Variants in KLHL29 observed in about 807,000 individuals in gnomAD.
The protein encoded by KLHL29 is kelch-like protein 29.
A neutral mutation model predicts 80.4 loss-of-function variants in KLHL29; 21 were observed. The ratio of observed to expected loss-of-function variants is 0.26; its 90% CI spans 0.19 to 0.38. The LOEUF is 0.38. Among genes scored for constraint, KLHL29 ranks in the 10% least tolerant of loss-of-function variants. The pLI is 1.00. For missense variants in KLHL29, 867 were observed against 1,223.9 expected (o/e 0.71, Z 4.35); for synonymous variants, 511 against 526.8 (o/e 0.97, Z 0.41).
At chr2:23,577,250 G>A (rs181156619) in intron 3 of KLHL29, among the ~76,000 whole-genome samples, 136 of 152,332 alleles carry the variant, frequency 8.9e-4, no homozygotes, top group African/African-American at 3.1e-3. Context: ...AGGAGTTCGA[G>A]ACCAGCCTGG....
At chr2:23,528,277 G>A (rs147192700) in intron 2 of KLHL29, among the ~76,000 whole-genome samples, 2 of 152,328 alleles carry the variant, frequency 1.3e-5, no homozygotes, top group East Asian at 1.9e-4. Flanking sequence ...CTCTGCTGAC[G>A]GAGGGTGTTT....
At chr2:23,627,374 C>T (rs1379349779) in intron 3 of KLHL29, among the ~76,000 whole-genome samples, 2 of 152,370 alleles carry the variant, frequency 1.3e-5, no homozygotes, top group African/African-American at 2.4e-5. Flanking sequence ...AGGCACAAAG[C>T]AGCCAGCGCC....
At chr2:23,639,986 CA>C (rs1669721415) in intron 4 of KLHL29, among the ~76,000 whole-genome samples, 2 of 152,204 alleles carry the variant, frequency 1.3e-5, no homozygotes, top group Non-Finnish European at 2.9e-5. Context: ...GGCCAGAACT[CA>C]ACAGTGGTCT....
chr2:23,534,720 G>A (rs1281079169), intron 2 of KLHL29, among the ~76,000 whole-genome samples: 1 of 152,144 alleles, frequency 6.6e-6, no homozygotes, highest in African/African-American at 2.4e-5. Flanking sequence ...GTGAAGCTGA[G>A]GTCCCACAGT....
rs369493041 is a variant in KLHL29, at chr2:23,462,402, C to A, written c.-153-13158C>A. Among the ~76,000 whole-genome samples the A allele has an allele frequency of 5.5e-4, 83 of 152,256 alleles. No homozygotes were observed. In the South Asian group the frequency reaches 1.0e-2, roughly 18 times the overall value. ...GAGGCTGGTCTATCACCTGTGAGTTCACAGCCCCAAATGATCCCCAACTGA... is the reference window on the plus strand; with the variant it reads ...GAGGCTGGTCTATCACCTGTGAGTTAACAGCCCCAAATGATCCCCAACTGA... On this transcript the variant is annotated intron_variant, in intron 1 of 13. Coordinates refer to ENST00000486442, the MANE Select transcript of KLHL29 (RefSeq NM_052920.2).
intron 5 of KLHL29, among the ~76,000 whole-genome samples, chr2:23,646,036 C>A (rs1056941377): frequency 7.0e-6 from 1 of 143,362 alleles, no homozygotes; most frequent in South Asian, 2.1e-4. Flanking sequence ...GGGGTGGGAG[C>A]AAGCTGTAGG....
At chr2:23,614,091 G>C (rs1159521996) in intron 3 of KLHL29, among the ~76,000 whole-genome samples, 1 of 152,162 alleles carries the variant, frequency 6.6e-6, no homozygotes, top group Non-Finnish European at 1.5e-5. Context: ...CTTTGGAAAG[G>C]CTAATCAGAA....
intron 2 of KLHL29, among the ~76,000 whole-genome samples, chr2:23,551,758 T>C (rs1398582079): frequency 3.3e-5 from 5 of 152,158 alleles, no homozygotes. Context: ...TGCATGTGAG[T>C]GGATCCTGTC....
At chr2:23,544,385 T>G (rs1363743349) in intron 2 of KLHL29, among the ~76,000 whole-genome samples, 1 of 152,214 alleles carries the variant, frequency 6.6e-6, no homozygotes, top group Non-Finnish European at 1.5e-5. Context: ...CTCTGCCACT[T>G]TCTAGCTGGG....
intron 1 of KLHL29, among the ~76,000 whole-genome samples, chr2:23,427,865 A>G (rs1173568153): frequency 6.6e-6 from 1 of 152,138 alleles, no homozygotes; most frequent in Non-Finnish European, 1.5e-5. Context: ...AAGTAAAACA[A>G]TGTTGGGAGC....
intron 11 of KLHL29, chr2:23,697,851 G>T (rs1448293996): frequency 6.6e-6 from 1 of 152,218 alleles, no homozygotes; most frequent in Non-Finnish European, 1.5e-5. Context: ...CATTCTGGAA[G>T]CATCGGCTTC....
chr2:23,699,557 C>T (rs1350852356), intron 11 of KLHL29, among the ~76,000 whole-genome samples: 1 of 152,322 alleles, frequency 6.6e-6, no homozygotes, highest in East Asian at 1.9e-4. Flanking sequence ...CTGCTTTTCC[C>T]AGCAGCTGCC....
intron 1 of KLHL29, among the ~76,000 whole-genome samples, chr2:23,429,168 G>T (rs1256971747): frequency 1.3e-5 from 2 of 152,236 alleles, no homozygotes; most frequent in African/African-American, 2.4e-5. Flanking sequence ...GCACGCACGT[G>T]TGCATACATG....
intron 2 of KLHL29, among the ~76,000 whole-genome samples, chr2:23,495,080 TGAACTCCTGGCCTCAAGCAATTTTCTC>T (rs1395391263): frequency 6.6e-6 from 1 of 152,160 alleles, no homozygotes; most frequent in African/African-American, 2.4e-5. Context: ...GACGGAGTCT[TGAACTCCTGGCCTCAAGCAATTTTCTC>T]GAACTCCTGG....
At chr2:23,458,768 G>A (rs1664132074) in intron 1 of KLHL29, among the ~76,000 whole-genome samples, 3 of 152,194 alleles carry the variant, frequency 2.0e-5, no homozygotes, top group Admixed American at 2.0e-4. Flanking sequence ...TGGAAAGAAG[G>A]CCAGTGGTCA....
At chr2:23,519,493 C>T (rs1666032830) in intron 2 of KLHL29, among the ~76,000 whole-genome samples, 2 of 152,220 alleles carry the variant, frequency 1.3e-5, no homozygotes, top group African/African-American at 2.4e-5. Context: ...CAGAATGAGG[C>T]TTGGGCCCAG....
At position 23,525,777 on chromosome 2, in the gene KLHL29, T is replaced by G. The variant is rs116641775; in HGVS notation, c.-45-36375T>G. 8.4e-3 allele frequency among the ~76,000 whole-genome samples: 1,128 copies of G among 134,916 alleles called. 18 individuals are homozygous for G. Among genetic ancestry groups the G allele is most frequent in the African/African-American group, 0.029 (1,074 of 37,380 alleles). The allele number at this position is 134,916 out of a possible 152,430, so 88.5% of individuals were successfully genotyped here. On this transcript the variant is annotated intron_variant, in intron 2 of 13. Coordinates refer to ENST00000486442, the MANE Select transcript of KLHL29 (RefSeq NM_052920.2). The stretch of plus-strand genomic sequence containing the variant: ...CAGCAGAGCCAGGGCCCACCCGCTA[T>G]TTTTAGAAAGCTATCAGGTGCGCAG...
intron 1 of KLHL29, among the ~76,000 whole-genome samples, chr2:23,408,884 G>A (rs752458965): frequency 9.2e-5 from 14 of 152,178 alleles, no homozygotes; most frequent in Non-Finnish European, 1.6e-4. Flanking sequence ...GTGTTCGTGT[G>A]CAATAATCCC....
intron 12 of KLHL29, 128 bp downstream of exon 12, chr2:23,703,507 C>A: frequency 9.4e-7 from 1 of 1,065,302 alleles, no homozygotes; most frequent in Non-Finnish European, 1.3e-6. Context: ...TAGAGGGTGG[C>A]AGGAGTTGCC....
Sources: allele counts gnomAD v4.1 joint callset (sites outside exome capture counted in the v4.1 genomes callset), GRCh38; gene constraint gnomAD v4.1.1; transcripts MANE v1.5; gene names NCBI Gene and HGNC (gene_info 2026-07-23, HGNC 2026-07-21).